The following MYO10 variants were observed in gnomAD, a reference collection of about 807,000 sequenced individuals.
MYO10 encodes the protein unconventional myosin-X.
MYO10 carries 133 observed loss-of-function variants against 257.3 expected under a neutral mutation model. The ratio of observed to expected loss-of-function variants is 0.52; its 90% CI spans 0.45 to 0.60. MYO10 has a LOEUF of 0.60. MYO10 is among the 20% of genes least tolerant of loss of function. The pLI, the probability that MYO10 is intolerant of heterozygous loss-of-function variation, is 0.00. For missense variants in MYO10, 2,399 were observed against 2,635.7 expected, an observed-to-expected ratio of 0.91 and a Z score of 1.97; for synonymous variants, 1,104 against 1,028.6, an observed-to-expected ratio of 1.07 and a Z score of -1.40.
At chr5:16,711,511 C>T (rs1431841710) in intron 19 of MYO10, among the ~76,000 whole-genome samples, 6 of 152,188 alleles carry the variant, frequency 3.9e-5, no homozygotes, top group Non-Finnish European at 7.3e-5. Context: ...CAGCCGGGCA[C>T]GGTGGCTCGC....
chr5:16,699,018 A>G (rs1737901055), intron 26 of MYO10, among the ~76,000 whole-genome samples: 1 of 152,120 alleles, frequency 6.6e-6, no homozygotes, highest in Non-Finnish European at 1.5e-5. Flanking sequence ...TATGAGAGAG[A>G]GCAATGAGAC....
chr5:16,726,391 A>G (rs1289020969), intron 19 of MYO10, among the ~76,000 whole-genome samples: 1 of 152,196 alleles, frequency 6.6e-6, no homozygotes, highest in Non-Finnish European at 1.5e-5. Context: ...AAAAGCTATC[A>G]TGTACCAAGG....
chr5:16,928,182 CTTTAT>C (rs1183867730), intron 1 of MYO10, among the ~76,000 whole-genome samples: 1 of 152,058 alleles, frequency 6.6e-6, no homozygotes, highest in Admixed American at 6.6e-5. Context: ...TTTCTAAGTG[CTTTAT>C]TTTGTTTTAA....
intron 19 of MYO10, among the ~76,000 whole-genome samples, chr5:16,737,694 T>A (rs990377582): frequency 6.6e-6 from 1 of 152,066 alleles, no homozygotes; most frequent in Middle Eastern, 3.2e-3. Context: ...CAAGAGGAGG[T>A]GGTTTTGCCC....
intron 1 of MYO10, among the ~76,000 whole-genome samples, chr5:16,921,110 T>G (rs1745967006): frequency 6.9e-6 from 1 of 145,242 alleles, no homozygotes; most frequent in Non-Finnish European, 1.5e-5. Context: ...AGAGCGATAC[T>G]CCATCTCAAA....
chr5:16,793,799 C>T (rs760689594), intron 4 of MYO10, among the ~76,000 whole-genome samples: 2 of 151,870 alleles, frequency 1.3e-5, no homozygotes, highest in African/African-American at 2.4e-5. Context: ...GTGGTGGCGA[C>T]GCATGCCTGT....
chr5:16,803,409 G>A (rs1459571925), intron 3 of MYO10, among the ~76,000 whole-genome samples: 3 of 152,054 alleles, frequency 2.0e-5, no homozygotes, highest in African/African-American at 7.2e-5. Flanking sequence ...GCCTGACAGA[G>A]TGAGACCCTA....
At chr5:16,862,011 C>T (rs1236145104) in intron 2 of MYO10, among the ~76,000 whole-genome samples, 1 of 152,106 alleles carries the variant, frequency 6.6e-6, no homozygotes, top group Non-Finnish European at 1.5e-5. Context: ...AGAGATGTCA[C>T]CCAGCAAATC....
chr5:16,711,292 A>T (rs1224982394), intron 19 of MYO10, 47 bp from the exon 20 acceptor site: 2 of 1,570,964 alleles, frequency 1.3e-6, no homozygotes, highest in African/African-American at 2.7e-5. Flanking sequence ...GAAAAAATGG[A>T]ATTCGATAAG....
At chr5:16,667,816 C>G (rs191433330) in intron 40 of MYO10, among the ~76,000 whole-genome samples, 97 of 152,198 alleles carry the variant, frequency 6.4e-4, no homozygotes, top group African/African-American at 2.2e-3. Context: ...TATTTAGAGG[C>G]CTTTTAGTGT....
chr5:16,870,765 G>A (rs1016960537), intron 2 of MYO10, among the ~76,000 whole-genome samples: 6 of 152,036 alleles, frequency 3.9e-5, no homozygotes, highest in South Asian at 2.1e-4. Context: ...GGTGGCATGC[G>A]CCTGTAATCC....
intron 2 of MYO10, among the ~76,000 whole-genome samples, chr5:16,841,115 A>G (rs1240308628): frequency 6.6e-6 from 1 of 151,656 alleles, no homozygotes; most frequent in African/African-American, 2.4e-5. Flanking sequence ...ATTGCACTCC[A>G]GCCTGGGCAA....
At chr5:16,695,807 A>C (rs1311026277) in intron 26 of MYO10, among the ~76,000 whole-genome samples, 1 of 152,182 alleles carries the variant, frequency 6.6e-6, no homozygotes, top group Admixed American at 6.5e-5. Flanking sequence ...TTATGCGTTC[A>C]CTGTGTGAAA....
chr5:16,792,132 C>CACACAGAGAGAG (rs755315207), intron 4 of MYO10, among the ~76,000 whole-genome samples: 10 of 75,286 alleles, frequency 1.3e-4, no homozygotes, highest in African/African-American at 3.2e-4. Context: ...CACACACACA[C>CACACAGAGAGAG]AGAGAGAGAG....
At chr5:16,715,215 T>C (rs928360363) in intron 19 of MYO10, among the ~76,000 whole-genome samples, 8 of 150,078 alleles carry the variant, frequency 5.3e-5, no homozygotes, top group Non-Finnish European at 1.2e-4. Context: ...TGAGGTATTA[T>C]TGAGTGAGAA....
At chr5:16,753,846 T>C (rs1355985740) in intron 19 of MYO10, among the ~76,000 whole-genome samples, 3 of 152,148 alleles carry the variant, frequency 2.0e-5, no homozygotes, top group South Asian at 2.1e-4. Flanking sequence ...AGGCAACTGG[T>C]TGGCATTATA....
chr5:16,723,998 A>G (rs747427010), intron 19 of MYO10, among the ~76,000 whole-genome samples: 24 of 152,318 alleles, frequency 1.6e-4, no homozygotes, highest in Non-Finnish European at 2.6e-4. Flanking sequence ...AAGTGACACT[A>G]TTCTGTGTGA....
At chr5:16,692,979 A>G (rs1367411685) in intron 27 of MYO10, among the ~76,000 whole-genome samples, 1 of 152,142 alleles carries the variant, frequency 6.6e-6, no homozygotes, top group East Asian at 1.9e-4. Context: ...GGCCCCTTCT[A>G]TGGGATAATT....
chr5:16,833,603 C>T (rs1429677886), intron 2 of MYO10, among the ~76,000 whole-genome samples: 1 of 152,156 alleles, frequency 6.6e-6, no homozygotes, highest in African/African-American at 2.4e-5. Context: ...TCTTTGGCTG[C>T]TGTTTCCCAA....
Sources: gnomAD v4.1 joint callset for allele counts (sites outside exome capture counted in the v4.1 genomes callset) on GRCh38, gnomAD v4.1.1 for gene constraint, MANE v1.5 for transcripts, NCBI Gene and HGNC (gene_info 2026-07-23, HGNC 2026-07-21) for gene names.